Variants in ABTB1 observed in about 807,000 individuals in gnomAD.
The protein encoded by ABTB1 is ankyrin repeat and BTB domain containing 1.
Under a neutral mutation model 57.1 loss-of-function variants are expected in ABTB1, and 45 were observed. That is an observed-to-expected ratio of 0.79 (90% CI 0.62 to 1.01). ABTB1 has a LOEUF of 1.01. Ranked by LOEUF, ABTB1 falls within the 50% of genes least tolerant of loss-of-function variation. The probability of loss-of-function intolerance (pLI) is 0.00; values close to 1 mark genes in which losing one functional copy is unlikely to be tolerated. For missense variants in ABTB1, 630 were observed against 666.3 expected, an observed-to-expected ratio of 0.95 and a Z score of 0.60; for synonymous variants, 302 against 275.4, an observed-to-expected ratio of 1.10 and a Z score of -0.95.
chr3:127,676,188 G>A lies in ABTB1; in HGVS notation c.320+74G>A. On this transcript the variant is annotated intron_variant, in intron 4 of 11. Coordinates refer to ENST00000232744, the MANE Select transcript of ABTB1 (RefSeq NM_172027.3). This position sits in a 1 kb window ranked among gnomAD's most constrained non-coding sequence, Gnocchi z 5.4. ...TGGGTGTGGCGAGTCTGCTCTGACT[G>A]TGGCCTGCACTGGGTTCTGAGTGCT... is the stretch of plus-strand genomic sequence containing the variant. The A allele has an allele frequency of 6.2e-7, 1 of 1,606,382 alleles. No homozygotes were observed. The highest frequency in any genetic ancestry group is 8.5e-7 in the Non-Finnish European group (1 of 1,174,612).
At chr3:127,678,077 T>G in intron 10 of ABTB1, 1 of 488,234 alleles carries the variant, frequency 2.0e-6, no homozygotes, top group Non-Finnish European at 3.6e-6. Flanking sequence ...CACTCCACAC[T>G]TGTCAGCCAC....
rs371497026 is a variant in ABTB1, at chr3:127,679,739, C to T, written c.1030-246C>T. On this transcript the variant is annotated intron_variant, in intron 10 of 11. Coordinates refer to ENST00000232744, the MANE Select transcript of ABTB1 (RefSeq NM_172027.3). ...GCGAGGGCCCTGCCTCCCGCCTGCCCTGCCAGCCTGCTCAGGGCATGGGAG... is the reference window on the plus strand; with the variant it reads ...GCGAGGGCCCTGCCTCCCGCCTGCCTTGCCAGCCTGCTCAGGGCATGGGAG... The T allele has an allele frequency of 4.2e-5, 25 of 596,452 alleles. No homozygotes were observed. The East Asian group carries it at 7.2e-4, about 17-fold the overall frequency. 36.9% of individuals were successfully genotyped at this position (596,452 alleles called of 1,614,324 possible).
chr3:127,680,755 C>A lies in ABTB1; in HGVS notation c.*280C>A. On this transcript the variant is annotated 3_prime_UTR_variant, in exon 12 of 12. Coordinates refer to ENST00000232744, the MANE Select transcript of ABTB1 (RefSeq NM_172027.3). ...GGGTGGGGGTGGGCTTTGGTCTTAGCACTTTCCTTCTCCAGATCCCCCCTA... is the reference window on the plus strand; with the variant it reads ...GGGTGGGGGTGGGCTTTGGTCTTAGAACTTTCCTTCTCCAGATCCCCCCTA... The A allele has an allele frequency of 1.5e-6, 1 of 669,716 alleles. No individual in the cohort carries two copies. The highest frequency in any genetic ancestry group is 2.7e-6 in the Non-Finnish European group (1 of 375,380). 41.5% of individuals were successfully genotyped at this position (669,716 alleles called of 1,614,324 possible). A position where few individuals can be genotyped will look rare whatever the true frequency, so the allele number is the denominator to read the frequency against.
Position 127,676,134 on chromosome 3 carries a change from G to C in ABTB1, c.320+20G>C. 1.2e-6 allele frequency: 2 copies of C among 1,612,448 alleles called. No homozygotes were observed. The highest frequency in any genetic ancestry group is 1.7e-6 in the Non-Finnish European group (2 of 1,179,448). ...GCAGCGGTGAGCCAGGGCACACGAG[G>C]GGTGCAGCATGGGGTGCGGTGGCCC... On this transcript the variant is annotated intron_variant, in intron 4 of 11. Coordinates refer to ENST00000232744, the MANE Select transcript of ABTB1 (RefSeq NM_172027.3). This position sits in a 1 kb window ranked among gnomAD's most constrained non-coding sequence, Gnocchi z 5.4.
At chr3:127,675,588 T>C in intron 3 of ABTB1, 1 of 225,854 alleles carries the variant, frequency 4.4e-6, no homozygotes, top group African/African-American at 2.2e-5. Flanking sequence ...CTTGTTTTTC[T>C]TAATAGTCCC....
At position 127,676,660 on chromosome 3, in the gene ABTB1, C is replaced by T. The variant is rs953020459; in HGVS notation, c.526+79C>T. ...AGCAGTACACCTAGGTGTGGCTGGG[C>T]TGACCTTTCACCTCTAGACACTTCA... On this transcript the variant is annotated intron_variant, in intron 6 of 11. Transcript: ENST00000232744. The surrounding 1 kb of genome is among the most constrained non-coding windows in gnomAD (Gnocchi z 5.4). 8 of 1,567,934 alleles carry T rather than the reference C, an allele frequency of 5.1e-6. No homozygotes were observed. The highest frequency in any genetic ancestry group is 7.0e-6 in the Non-Finnish European group (8 of 1,142,190).
Position 127,676,325 on chromosome 3 carries a change from C to T in ABTB1, c.374C>T (p.Pro125Leu), listed in dbSNP as rs201349825. 1 of 1,614,112 alleles carries T rather than the reference C, an allele frequency of 6.2e-7. No individual in the cohort carries two copies. The highest frequency in any genetic ancestry group is 1.3e-5 in the African/African-American group (1 of 75,058). Residue 125 changes from proline to leucine, a missense_variant, in exon 5 of 12, where the codon CCA (proline) becomes CTA (leucine). Coordinates refer to ENST00000232744, the MANE Select transcript of ABTB1 (RefSeq NM_172027.3). This position sits in a 1 kb window ranked among gnomAD's most constrained non-coding sequence, Gnocchi z 5.4. ...SDVVFVVHGK[P>L]FRVHRCVLGA... is the part of the protein sequence containing the mutation. Reference sequence around the variant, plus strand: ...GTGGTCTTTGTAGTACACGGGAAGCCATTCCGGGTGCATCGCTGCGTCCTG... The same window carrying T: ...GTGGTCTTTGTAGTACACGGGAAGCTATTCCGGGTGCATCGCTGCGTCCTG...
At position 127,680,742 on chromosome 3, in the gene ABTB1, G is replaced by A. The variant is rs545832786; in HGVS notation, c.*267G>A. ...TCAGGGAAACCTGGGGTGGGGGTGG[G>A]CTTTGGTCTTAGCACTTTCCTTCTC... On this transcript the variant is annotated 3_prime_UTR_variant, in exon 12 of 12. Coordinates refer to ENST00000232744, the MANE Select transcript of ABTB1 (RefSeq NM_172027.3). 1 of 673,318 alleles carries A rather than the reference G, an allele frequency of 1.5e-6. No homozygotes were observed. Among genetic ancestry groups the A allele is most frequent in the South Asian group, 1.7e-5 (1 of 58,372 alleles). 41.7% of individuals were successfully genotyped at this position (673,318 alleles called of 1,614,324 possible).
At position 127,676,725 on chromosome 3, in the gene ABTB1, G is replaced by C; in HGVS notation, c.526+144G>C. 9.0e-7 allele frequency: 1 copy of C among 1,111,052 alleles called. No individual in the cohort carries two copies. Among genetic ancestry groups the C allele is most frequent in the Non-Finnish European group, 1.3e-6 (1 of 770,252 alleles). The allele number at this position is 1,111,052 out of a possible 1,614,324, so 68.8% of individuals were successfully genotyped here. A position where few individuals can be genotyped will look rare whatever the true frequency, so the allele number is the denominator to read the frequency against. On this transcript the variant is annotated intron_variant, in intron 6 of 11. Transcript: ENST00000232744. This position sits in a 1 kb window ranked among gnomAD's most constrained non-coding sequence, Gnocchi z 5.4. ...TGGTTCCAGCTGCCTCTCGGGTTGG[G>C]TTGCAAGAGAGAGGACTAGTGTGCC... is the stretch of plus-strand genomic sequence containing the variant.
At chr3:127,674,499 C>T (rs775265477) in intron 2 of ABTB1, 46 bp downstream of exon 2, 3 of 1,614,002 alleles carry the variant, frequency 1.9e-6, no homozygotes, top group Non-Finnish European at 1.7e-6. Context: ...TTGGTGCACC[C>T]CTTCAGCACT....
rs1200140515 is a variant in ABTB1 at position 127,677,049 on chromosome 3, C to T, written c.609C>T (p.Asp203=). Residue 203 remains aspartate (D), a synonymous_variant, in exon 7 of 12, where the codon GAC becomes GAT. Coordinates refer to ENST00000232744, the MANE Select transcript of ABTB1 (RefSeq NM_172027.3). ...GCCAGCTGTGGGACCTGCTCAGCGA[C>T]CTGGAGGCCAAGTGCGAGAAGGTGT... ...KQCQLWDLLS[D]LEAKCEKVSE... 1 of 1,614,056 alleles carries T rather than the reference C, an allele frequency of 6.2e-7. No individual in the cohort carries two copies. Among genetic ancestry groups the T allele is most frequent in the Non-Finnish European group, 8.5e-7 (1 of 1,180,024 alleles).
rs770144146 is a variant in ABTB1, at chr3:127,673,074, C to A, written c.49C>A (p.Arg17=). 9 of 1,572,234 alleles carry A rather than the reference C, an allele frequency of 5.7e-6. No individual in the cohort carries two copies. The highest frequency in any genetic ancestry group is 1.7e-4 in the Middle Eastern group (1 of 5,942). ...CAGCTGCAGGAAGGGGGATGTGGGC[C>A]GAGTGCGGTGAGGACCTCGCAGTCC... ...FASCRKGDVG[R]VRYLLEQRDV... is the part of the protein sequence containing the mutation. Residue 17 remains arginine (R), a synonymous_variant, in exon 1 of 12, where the codon CGA becomes AGA. Transcript: ENST00000232744.
rs142406001 is a variant in ABTB1 at position 127,680,439 on chromosome 3, C to A, written c.1401C>A (p.Leu467=). ...IEEAQQRLRA[L]EDLLVSIGLD... ...AGGCGCAGCAGCGTCTGCGGGCACT[C>A]GAGGACCTGCTCGTGTCCATCGGTC... Residue 467 remains leucine (L), a synonymous_variant, in exon 12 of 12, where the codon CTC becomes CTA. Transcript: ENST00000232744. 3 of 1,604,678 alleles carry A rather than the reference C, an allele frequency of 1.9e-6. No individual in the cohort carries two copies. Among genetic ancestry groups the A allele is most frequent in the East Asian group, 4.5e-5 (2 of 44,600 alleles).
At chr3:127,675,429 A>G (rs2074957246) in intron 3 of ABTB1, 1 of 162,730 alleles carries the variant, frequency 6.1e-6, no homozygotes, top group Admixed American at 5.7e-5. Context: ...GGCGTGCACC[A>G]CCACGCCCGG....
At chr3:127,674,124 G>A (rs2074918696) in intron 1 of ABTB1, 2 of 512,484 alleles carry the variant, frequency 3.9e-6, no homozygotes, top group Admixed American at 3.3e-5. Flanking sequence ...GTCCAGCCTC[G>A]GCACTGGCTC....
rs778018398 is a variant in ABTB1, at chr3:127,677,271, G to GC, written c.753dup (p.Glu252ArgfsTer5). 4.4e-6 allele frequency: 7 copies of GC among 1,590,374 alleles called. No homozygotes were observed. Among genetic ancestry groups the GC allele is most frequent in the Admixed American group, 1.8e-5 (1 of 56,010 alleles). On this transcript the variant is annotated frameshift_variant, in exon 8 of 12. Coordinates refer to ENST00000232744, the MANE Select transcript of ABTB1 (RefSeq NM_172027.3). LOFTEE classifies it high-confidence loss of function. Reference sequence around the variant, plus strand: ...TGGCGCTGCTGGCCGATTGTGCCCTGCCCCCCGAGCTCCGAGTAAGTGCGG... The same window carrying GC: ...TGGCGCTGCTGGCCGATTGTGCCCTGCCCCCCCGAGCTCCGAGTAAGTGCGG...
intron 11 of ABTB1, 33 bp from the exon 12 acceptor site, chr3:127,680,236 C>T (rs1186739452): frequency 8.7e-6 from 14 of 1,613,122 alleles, no homozygotes; most frequent in Admixed American, 1.7e-5. Flanking sequence ...AGGGCAGGCA[C>T]CCCTCCACTG....
intron 10 of ABTB1, chr3:127,679,430 TA>T: frequency 2.3e-6 from 1 of 427,452 alleles, no homozygotes; most frequent in Non-Finnish European, 4.8e-6. Context: ...GCTTCAGTCT[TA>T]TCCAGCACAG....
At chr3:127,678,309 T>A (rs1055305459) in intron 10 of ABTB1, 7 of 151,680 alleles carry the variant, frequency 4.6e-5, no homozygotes, top group South Asian at 2.6e-4. Context: ...AGAGAGAGAG[T>A]GTGTGTGTGC....
Sources: gnomAD v4.1 joint callset for allele counts on GRCh38, gnomAD v4.1.1 for gene constraint, Gnocchi (gnomAD v3.1) non-coding constraint, MANE v1.5 for transcripts, NCBI Gene and HGNC (gene_info 2026-07-23, HGNC 2026-07-21) for gene names.